The following SGMS1 variants were observed in gnomAD, a reference collection of about 807,000 sequenced individuals.
SGMS1 encodes sphingomyelin synthase 1, also known as phosphatidylcholine:ceramide cholinephosphotransferase 1.
Under a neutral mutation model 46.2 loss-of-function variants are expected in SGMS1, and 13 were observed. The observed-to-expected ratio is 0.28, with a 90% CI of 0.18 to 0.45. The LOEUF is 0.45. SGMS1 is among the 20% of genes least tolerant of loss of function. SGMS1 has a pLI of 1.00. For missense variants in SGMS1, 324 were observed against 519.9 expected (o/e 0.62, Z 3.66); for synonymous variants, 203 against 187.8 (o/e 1.08, Z -0.66).
intron 6 of SGMS1, among the ~76,000 whole-genome samples, chr10:50,344,705 T>C (rs1301723974): frequency 1.3e-5 from 2 of 151,920 alleles, no homozygotes; most frequent in African/African-American, 4.8e-5. Context: ...CTGTCTCTAC[T>C]AAAAATACAA....
chr10:50,476,761 G>T (rs892165515), intron 3 of SGMS1, among the ~76,000 whole-genome samples: 1 of 152,210 alleles, frequency 6.6e-6, no homozygotes, highest in Admixed American at 6.5e-5. Context: ...GTCCAGATAA[G>T]TCTCAGGCCA....
intron 5 of SGMS1, among the ~76,000 whole-genome samples, chr10:50,435,438 A>G (rs1283485357): frequency 6.6e-6 from 1 of 152,198 alleles, no homozygotes; most frequent in African/African-American, 2.4e-5. Flanking sequence ...TCCTGATGAG[A>G]CCATTCTGGA....
chr10:50,549,175 C>T (rs1290500577), intron 2 of SGMS1, among the ~76,000 whole-genome samples: 1 of 152,158 alleles, frequency 6.6e-6, no homozygotes, highest in Non-Finnish European at 1.5e-5. Flanking sequence ...ACCATTTGAC[C>T]CAGCAATCCC....
At chr10:50,330,301 A>AACAAAACAAG in intron 7 of SGMS1, among the ~76,000 whole-genome samples, 1 of 151,696 alleles carries the variant, frequency 6.6e-6, no homozygotes, top group African/African-American at 2.4e-5. Context: ...TAAAAAACAA[A>AACAAAACAAG]ACAAAACAAA....
rs749150582 is a variant in SGMS1, at chr10:50,525,951, G to C, written c.-588-6030C>G. Among the ~76,000 whole-genome samples the C allele has an allele frequency of 2.6e-5, 4 of 152,306 alleles. No individual in the cohort carries two copies. In the South Asian group the frequency reaches 8.3e-4, roughly 32 times the overall value. On this transcript the variant is annotated intron_variant, in intron 2 of 10. Coordinates refer to ENST00000361781, the MANE Select transcript of SGMS1 (RefSeq NM_147156.4). ...GAACTCTCAAATTGGTATTCCTGTA[G>C]AATATGTGATTTTTGCCTCAGAAGT... is the stretch of plus-strand genomic sequence containing the variant.
Position 50,460,785 on chromosome 10 carries a change from T to C in SGMS1, c.-425A>G, listed in dbSNP as rs1310534037. On this transcript the variant is annotated 5_prime_UTR_variant, in exon 5 of 11. Transcript: ENST00000361781. ...TTTCATGTTTCCCAACCAGACACTT[T>C]CGGGCATCCCAAAGAACTCAATGGT... 6.6e-6 allele frequency: 1 copy of C among 152,390 alleles called. No individual in the cohort carries two copies. Among genetic ancestry groups the C allele is most frequent in the Admixed American group, 6.5e-5 (1 of 15,286 alleles). The allele number at this position is 152,390 out of a possible 1,614,324, so 9.4% of individuals were successfully genotyped here. A position where few individuals can be genotyped will look rare whatever the true frequency, so the allele number is the denominator to read the frequency against.
At chr10:50,552,764 T>C (rs1028788475) in intron 2 of SGMS1, among the ~76,000 whole-genome samples, 3 of 152,160 alleles carry the variant, frequency 2.0e-5, no homozygotes, top group Admixed American at 6.5e-5. Flanking sequence ...TTTACAGGTG[T>C]GATTAGGTTA....
intron 2 of SGMS1, among the ~76,000 whole-genome samples, chr10:50,521,999 T>C (rs954749576): frequency 1.3e-5 from 2 of 152,188 alleles, no homozygotes; most frequent in African/African-American, 2.4e-5. Flanking sequence ...CTAGATTTAG[T>C]ATCCATTAGT....
At chr10:50,387,872 C>G (rs1355701692) in intron 6 of SGMS1, among the ~76,000 whole-genome samples, 1 of 152,168 alleles carries the variant, frequency 6.6e-6, no homozygotes, top group Admixed American at 6.5e-5. Context: ...ACAGAAACAG[C>G]TGGAGTGGTT....
Position 50,340,863 on chromosome 10 carries a change from C to T in SGMS1, c.623+2629G>A, listed in dbSNP as rs113865378. Among the ~76,000 whole-genome samples the T allele has an allele frequency of 8.2e-3, 1,248 of 152,262 alleles. 20 individuals carry two copies. Among genetic ancestry groups the T allele is most frequent in the African/African-American group, 0.027 (1,135 of 41,530 alleles). On this transcript the variant is annotated intron_variant, in intron 7 of 10. Coordinates refer to ENST00000361781, the MANE Select transcript of SGMS1 (RefSeq NM_147156.4). ...TCTAGTTCCATCCCATGATTCTTCTCTAAAAAGTAGAAGAAACTGAAATAA... is the reference window on the plus strand; with the variant it reads ...TCTAGTTCCATCCCATGATTCTTCTTTAAAAAGTAGAAGAAACTGAAATAA...
chr10:50,504,239 C>T lies in SGMS1; in HGVS notation c.-498+15592G>A, dbSNP rs374238911. Among the ~76,000 whole-genome samples the T allele has an allele frequency of 4.6e-5, 7 of 152,280 alleles. No individual in the cohort carries two copies. In the East Asian group the frequency reaches 1.2e-3, roughly 25 times the overall value. On this transcript the variant is annotated intron_variant, in intron 3 of 10. Transcript: ENST00000361781. ...CCTCACTAGGCTCCCAGGCCCCTCC[C>T]CTGGAGAGCTGATTCAGTAAGTCCG...
At chr10:50,321,046 C>T (rs923894932) in intron 8 of SGMS1, among the ~76,000 whole-genome samples, 1 of 128,384 alleles carries the variant, frequency 7.8e-6, no homozygotes, top group South Asian at 2.7e-4. Flanking sequence ...TCTCTAGAAA[C>T]GTTGCTCAGG....
chr10:50,458,386 C>T (rs1273510629), intron 5 of SGMS1, among the ~76,000 whole-genome samples: 2 of 117,536 alleles, frequency 1.7e-5, no homozygotes, highest in African/African-American at 6.6e-5. Flanking sequence ...GGTGGAGTCT[C>T]GCTCCGTCGC....
intron 2 of SGMS1, among the ~76,000 whole-genome samples, chr10:50,530,372 C>T (rs1190137905): frequency 6.6e-5 from 10 of 152,134 alleles, no homozygotes; most frequent in Admixed American, 5.9e-4. Flanking sequence ...TGTGACTGAA[C>T]ATTAAAATTA....
At chr10:50,535,013 C>A (rs1012559700) in intron 2 of SGMS1, among the ~76,000 whole-genome samples, 4 of 152,194 alleles carry the variant, frequency 2.6e-5, no homozygotes, top group African/African-American at 9.6e-5. Flanking sequence ...GCGGTTGAAT[C>A]ACCTGAGGTC....
At chr10:50,412,547 T>C (rs930990372) in intron 6 of SGMS1, among the ~76,000 whole-genome samples, 2 of 152,092 alleles carry the variant, frequency 1.3e-5, no homozygotes, top group Non-Finnish European at 2.9e-5. Context: ...GATACACAAG[T>C]GGAAGTGACA....
In SGMS1 at chr10:50,527,719, T is replaced by C. The variant is rs1837916618; in HGVS notation, c.-588-7798A>G. ...GAAAAGGCCTTTAACTACAAAATGATGTGTTTAAGCACTCCGTAGCAACCC... is the reference window on the plus strand; with the variant it reads ...GAAAAGGCCTTTAACTACAAAATGACGTGTTTAAGCACTCCGTAGCAACCC... On this transcript the variant is annotated intron_variant, in intron 2 of 10. Coordinates refer to ENST00000361781, the MANE Select transcript of SGMS1 (RefSeq NM_147156.4). 2.6e-5 allele frequency among the ~76,000 whole-genome samples: 4 copies of C among 152,330 alleles called. No individual in the cohort carries two copies. In the South Asian group the frequency reaches 8.3e-4, roughly 32 times the overall value.
intron 7 of SGMS1, among the ~76,000 whole-genome samples, chr10:50,339,129 C>A (rs1002578461): frequency 1.3e-5 from 2 of 152,212 alleles, no homozygotes; most frequent in Admixed American, 1.3e-4. Context: ...CAGTTTCATT[C>A]TTTTAAAACA....
intron 1 of SGMS1, among the ~76,000 whole-genome samples, chr10:50,612,473 C>A (rs891140155): frequency 1.3e-5 from 2 of 151,794 alleles, no homozygotes; most frequent in East Asian, 3.9e-4. Flanking sequence ...AAGCAGCTGG[C>A]GAAAAGGAGG....
Sources: allele counts gnomAD v4.1 joint callset (sites outside exome capture counted in the v4.1 genomes callset), GRCh38; gene constraint gnomAD v4.1.1; transcripts MANE v1.5; gene names NCBI Gene and HGNC (gene_info 2026-07-23, HGNC 2026-07-21).